Variants in GMNN observed in about 807,000 individuals in gnomAD.
The protein encoded by GMNN is geminin DNA replication inhibitor, also known as geminin.
Under a neutral mutation model 20.9 loss-of-function variants are expected in GMNN, and 14 were observed. The ratio of observed to expected loss-of-function variants is 0.67; its 90% CI spans 0.44 to 1.05. GMNN has a LOEUF of 1.05. Among genes scored for constraint, GMNN ranks in the 50% least tolerant of loss-of-function variants. The pLI, the probability that GMNN is intolerant of heterozygous loss-of-function variation, is 0.00. For synonymous variants in GMNN, 81 were observed against 85.8 expected (o/e 0.94, Z 0.31); for missense variants, 227 against 243.8 (o/e 0.93, Z 0.46).
At chr6:24,775,600 A>C (rs188392667) in intron 1 of GMNN, 7 of 152,420 alleles carry the variant, frequency 4.6e-5, no homozygotes, top group African/African-American at 1.7e-4. Context: ...GGGATCTGCA[A>C]ATTTGGCTCA....
At chr6:24,780,919 C>G (rs1038829210) in intron 3 of GMNN, among the ~76,000 whole-genome samples, 179 bp downstream of exon 3, 2 of 152,080 alleles carry the variant, frequency 1.3e-5, no homozygotes, top group South Asian at 4.2e-4. Context: ...TTAAGAAGTT[C>G]GTCGGGTGCA....
Position 24,775,088 on chromosome 6 carries a change from T to A in GMNN, c.-182T>A, listed in dbSNP as rs1332859156. On this transcript the variant is annotated 5_prime_UTR_variant, in exon 1 of 7. Coordinates refer to ENST00000230056, the MANE Select transcript of GMNN (RefSeq NM_015895.5). ...TGCAGCCATAGCTACGTGCGTTCGCTACGAGGATTGAGCGTCTCCACCCAG... is the reference window on the plus strand; with the variant it reads ...TGCAGCCATAGCTACGTGCGTTCGCAACGAGGATTGAGCGTCTCCACCCAG... 1 of 152,394 alleles carries A rather than the reference T, an allele frequency of 6.6e-6. No homozygotes were observed. Among genetic ancestry groups the A allele is most frequent in the Non-Finnish European group, 1.5e-5 (1 of 68,188 alleles). The allele number at this position is 152,394 out of a possible 1,614,324, so 9.4% of individuals were successfully genotyped here.
chr6:24,778,913 T>C (rs916763821), intron 2 of GMNN, among the ~76,000 whole-genome samples: 2 of 152,244 alleles, frequency 1.3e-5, no homozygotes, highest in East Asian at 3.8e-4. Context: ...AAATAATTTA[T>C]ATATTTCCAG....
chr6:24,780,826 G>A (rs1169768919), intron 3 of GMNN, 86 bp downstream of exon 3: 13 of 692,662 alleles, frequency 1.9e-5, no homozygotes, highest in Middle Eastern at 4.8e-4. Context: ...TCAGAAACAC[G>A]TAAATTGTTG....
chr6:24,785,610 A>G, intron 6 of GMNN, 28 bp from the exon 7 acceptor site: 1 of 1,216,508 alleles, frequency 8.2e-7, no homozygotes, highest in Non-Finnish European at 1.2e-6. Flanking sequence ...ACATTTTTAC[A>G]ATAAATTATT....
intron 2 of GMNN, among the ~76,000 whole-genome samples, chr6:24,779,307 T>C (rs1459949071): frequency 6.6e-6 from 1 of 152,240 alleles, no homozygotes; most frequent in Non-Finnish European, 1.5e-5. Context: ...TACATTGTTT[T>C]AGGCAAAAGT....
chr6:24,781,105 G>C (rs983408546), intron 3 of GMNN, among the ~76,000 whole-genome samples: 5 of 152,094 alleles, frequency 3.3e-5, no homozygotes, highest in Non-Finnish European at 4.4e-5. Flanking sequence ...TGGGAGGCTT[G>C]AGGCAGGAGA....
In GMNN at chr6:24,778,936, TAAAG is replaced by T. The variant is rs756930841; in HGVS notation, c.51+1644_51+1647del. 5.1e-4 allele frequency among the ~76,000 whole-genome samples: 78 copies of T among 152,322 alleles called. 1 individual carries two copies. Among genetic ancestry groups the T allele is most frequent in the Admixed American group, 2.6e-4 (4 of 15,296 alleles). The stretch of plus-strand genomic sequence containing the variant: ...TATATATTTCCAGCAGATTACATTT[TAAAG>T]AAAGTCTTGTGTTTACTAGCTACAG... On this transcript the variant is annotated intron_variant, in intron 2 of 6. Transcript: ENST00000230056.
chr6:24,783,750 T>C (rs1460192408), intron 4 of GMNN, among the ~76,000 whole-genome samples: 3 of 151,978 alleles, frequency 2.0e-5, no homozygotes, highest in Non-Finnish European at 4.4e-5. Context: ...AAATAAAAAA[T>C]TAAGGACAGT....
intron 1 of GMNN, among the ~76,000 whole-genome samples, chr6:24,776,222 C>T (rs1386864997): frequency 6.6e-6 from 1 of 152,118 alleles, no homozygotes; most frequent in African/African-American, 2.4e-5. Context: ...CTCAGCCTCC[C>T]GAGTAGCTGG....
Position 24,780,710 on chromosome 6 carries a change from A to T in GMNN, c.99A>T (p.Ala33=). Residue 33 remains alanine (A), a synonymous_variant, in exon 3 of 7, where the codon GCA becomes GCT. Coordinates refer to ENST00000230056, the MANE Select transcript of GMNN (RefSeq NM_015895.5). ...CTCTGAAGATGATTCAGCCTTCTGC[A>T]TCTGGATCTCTTGTTGGAAGAGAAA... ...RRTLKMIQPS[A]SGSLVGRENE... 6.3e-7 allele frequency: 1 copy of T among 1,595,438 alleles called. No homozygotes were observed. Among genetic ancestry groups the T allele is most frequent in the Non-Finnish European group, 8.6e-7 (1 of 1,163,094 alleles).
At chr6:24,776,005 G>T (rs1315124062) in intron 1 of GMNN, among the ~76,000 whole-genome samples, 1 of 152,148 alleles carries the variant, frequency 6.6e-6, no homozygotes, top group Non-Finnish European at 1.5e-5. Context: ...CATTGCGTAG[G>T]GTCTGTTTAC....
At chr6:24,778,057 T>A (rs930782008) in intron 2 of GMNN, among the ~76,000 whole-genome samples, 4 of 152,212 alleles carry the variant, frequency 2.6e-5, no homozygotes, top group Non-Finnish European at 5.9e-5. Context: ...ACAGAGTTTG[T>A]TTAGTTTTGA....
At chr6:24,781,217 A>C (rs888835237) in intron 3 of GMNN, among the ~76,000 whole-genome samples, 1 of 150,752 alleles carries the variant, frequency 6.6e-6, no homozygotes, top group African/African-American at 2.5e-5. Flanking sequence ...AATAAAAATA[A>C]AAAATTTTTT....
At chr6:24,783,404 C>T (rs1036524444) in intron 4 of GMNN, among the ~76,000 whole-genome samples, 5 of 151,758 alleles carry the variant, frequency 3.3e-5, no homozygotes, top group Admixed American at 6.6e-5. Flanking sequence ...TTCCATCCAC[C>T]GTAGAAGTAA....
chr6:24,785,038 G>A (rs1182461898), intron 6 of GMNN, among the ~76,000 whole-genome samples: 1 of 152,092 alleles, frequency 6.6e-6, no homozygotes, highest in Non-Finnish European at 1.5e-5. Context: ...CAATAAATGA[G>A]TTTTGTGGTT....
intron 4 of GMNN, 83 bp from the exon 5 acceptor site, chr6:24,784,004 C>T: frequency 1.6e-6 from 1 of 622,602 alleles, no homozygotes; most frequent in Non-Finnish European, 2.9e-6. Context: ...TATGGGGGTA[C>T]TAAGATTGGA....
In GMNN at chr6:24,785,873, A is replaced by G. The variant is rs1238248160; in HGVS notation, c.*74A>G. ...CCACTAGTTCTTTGTAGCAGAGTAC[A>G]TAACTACATAATGCCAACTCTGGAA... On this transcript the variant is annotated 3_prime_UTR_variant, in exon 7 of 7. Coordinates refer to ENST00000230056, the MANE Select transcript of GMNN (RefSeq NM_015895.5). 1 of 852,728 alleles carries G rather than the reference A, an allele frequency of 1.2e-6. No individual in the cohort carries two copies. The highest frequency in any genetic ancestry group is 1.9e-6 in the Non-Finnish European group (1 of 538,008). 52.8% of individuals were successfully genotyped at this position (852,728 alleles called of 1,614,324 possible). A position where few individuals can be genotyped will look rare whatever the true frequency, so the allele number is the denominator to read the frequency against.
At chr6:24,777,967 G>T (rs6456635) in intron 2 of GMNN, among the ~76,000 whole-genome samples, 10,939 of 152,094 alleles carry the variant, frequency 0.072, 1,147 homozygotes, top group African/African-American at 0.22. Flanking sequence ...TAACCTATTT[G>T]ATTTGTGATA....
Sources: gnomAD v4.1 joint callset for allele counts (sites outside exome capture counted in the v4.1 genomes callset) on GRCh38, gnomAD v4.1.1 for gene constraint, MANE v1.5 for transcripts, NCBI Gene and HGNC (gene_info 2026-07-23, HGNC 2026-07-21) for gene names.